Variants in SP140 observed in about 807,000 individuals in gnomAD.
SP140 encodes nuclear body protein SP140.
A neutral mutation model predicts 125.0 loss-of-function variants in SP140; 81 were observed. That is an observed-to-expected ratio of 0.65 (90% CI 0.54 to 0.78). The LOEUF is 0.78. Ranked by LOEUF, SP140 falls within the 30% of genes least tolerant of loss-of-function variation. SP140 has a pLI of 0.00. For missense variants in SP140, 858 were observed against 1,037.0 expected, an observed-to-expected ratio of 0.83 and a Z score of 2.37; for synonymous variants, 312 against 354.0, an observed-to-expected ratio of 0.88 and a Z score of 1.33.
At chr2:230,214,166 C>CTCTGT (rs2044827071) in intron 3 of SP140, 1 of 152,356 alleles carries the variant, frequency 6.6e-6, no homozygotes, top group Admixed American at 6.5e-5. Flanking sequence ...TTCTTCCCAA[C>CTCTGT]TCTGCCACTG....
At chr2:230,301,534 T>G (rs2058282630) in intron 22 of SP140, among the ~76,000 whole-genome samples, 1 of 152,124 alleles carries the variant, frequency 6.6e-6, no homozygotes, top group Non-Finnish European at 1.5e-5. Context: ...TCCAAGAAAC[T>G]AAGCTTCATA....
intron 1 of SP140, among the ~76,000 whole-genome samples, chr2:230,232,092 C>T (rs958709844): frequency 2.6e-5 from 4 of 152,230 alleles, no homozygotes; most frequent in Non-Finnish European, 4.4e-5. Context: ...ATGGTTAAAG[C>T]ATTTTCCCTG....
At chr2:230,311,645 A>G (rs1283345732) in intron 26 of SP140, 50 bp downstream of exon 26, 1 of 1,592,900 alleles carries the variant, frequency 6.3e-7, no homozygotes, top group Non-Finnish European at 8.6e-7. Context: ...CCTTCCCCTC[A>G]TTTTCTGGTG....
intron 11 of SP140, 24 bp downstream of exon 11, chr2:230,253,441 G>A: frequency 6.5e-7 from 1 of 1,528,222 alleles, no homozygotes; most frequent in South Asian, 1.1e-5. Flanking sequence ...ACATTTTTAG[G>A]TATTTGAGTA....
intron 7 of SP140, among the ~76,000 whole-genome samples, chr2:230,246,960 A>T (rs185127217): frequency 2.6e-4 from 40 of 152,264 alleles, no homozygotes; most frequent in Admixed American, 2.2e-3. Context: ...AATATGGGAC[A>T]TTGTAGGGAT....
chr2:230,283,022 A>C (rs998844020), intron 15 of SP140, among the ~76,000 whole-genome samples: 3 of 152,232 alleles, frequency 2.0e-5, no homozygotes, highest in Non-Finnish European at 4.4e-5. Context: ...ACCAGGTGGC[A>C]GTCCCCCCTA....
In SP140 at chr2:230,292,855, T is replaced by C. The variant is rs1257901242; in HGVS notation, c.1968+67T>C. The C allele has an allele frequency of 1.9e-6, 3 of 1,602,976 alleles. No individual in the cohort carries two copies. In the East Asian group the frequency reaches 6.7e-5, roughly 36 times the overall value. On this transcript the variant is annotated intron_variant, in intron 20 of 26. Coordinates refer to ENST00000392045, the MANE Select transcript of SP140 (RefSeq NM_007237.5). ...TCCCTAATAATGAGGAGACTGTTTA[T>C]TCACCAAATATTTGTTAGGTTATAG...
intron 22 of SP140, among the ~76,000 whole-genome samples, chr2:230,302,043 T>G (rs1216786709): frequency 6.6e-6 from 1 of 152,126 alleles, no homozygotes; most frequent in Non-Finnish European, 1.5e-5. Context: ...AAGAGCGACC[T>G]TATATAATGA....
At chr2:230,276,348 G>A (rs535151159) in intron 15 of SP140, among the ~76,000 whole-genome samples, 1 of 152,136 alleles carries the variant, frequency 6.6e-6, no homozygotes, top group South Asian at 2.1e-4. Flanking sequence ...GGGCCCTTAA[G>A]AATTATTCTA....
At chr2:230,241,299 G>A in intron 3 of SP140, 105 bp from the exon 4 acceptor site, 2 of 732,884 alleles carry the variant, frequency 2.7e-6, no homozygotes, top group South Asian at 3.0e-5. Context: ...TGGACCTCGG[G>A]GGTGGGAGAT....
At chr2:230,247,834 A>G (rs761062727) in intron 7 of SP140, 82 bp from the exon 8 acceptor site, 117 of 1,434,432 alleles carry the variant, frequency 8.2e-5, no homozygotes, top group Middle Eastern at 7.3e-4. Context: ...TTGTTTCACT[A>G]CAATCTCCAT....
chr2:230,255,648 T>G lies in SP140; in HGVS notation c.1240+116T>G, dbSNP rs1376757788. ...GCATATACCTCACAGTGAAAGGATCTAATTAATCCTGAGATTTTTCACATT... is the reference window on the plus strand; with the variant it reads ...GCATATACCTCACAGTGAAAGGATCGAATTAATCCTGAGATTTTTCACATT... On this transcript the variant is annotated intron_variant, in intron 12 of 26. Transcript: ENST00000392045. 3 of 856,648 alleles carry G rather than the reference T, an allele frequency of 3.5e-6. No homozygotes were observed. In the East Asian group the frequency reaches 7.5e-5, roughly 21 times the overall value. The allele number at this position is 856,648 out of a possible 1,614,324, so 53.1% of individuals were successfully genotyped here.
the SP140 span, among the ~76,000 whole-genome samples, chr2:230,188,432 G>A: frequency 6.6e-6 from 1 of 151,942 alleles, no homozygotes; most frequent in Non-Finnish European, 1.5e-5. Context: ...ATATAATCAG[G>A]GAACAGTGAT....
chr2:230,244,613 G>A (rs1466605528), intron 5 of SP140, among the ~76,000 whole-genome samples: 1 of 152,162 alleles, frequency 6.6e-6, no homozygotes, highest in Non-Finnish European at 1.5e-5. Flanking sequence ...AATCTGCCAT[G>A]TGGGATGCAA....
At chr2:230,209,642 A>G (rs528584779) in intron 1 of SP140, among the ~76,000 whole-genome samples, 1 of 152,326 alleles carries the variant, frequency 6.6e-6, no homozygotes, top group South Asian at 2.1e-4. Flanking sequence ...TCAGTTAAAG[A>G]GGGAAGTGCA....
intron 3 of SP140, chr2:230,220,194 T>C (rs1174168923): frequency 6.7e-6 from 3 of 445,342 alleles, no homozygotes; most frequent in Non-Finnish European, 8.9e-6. Flanking sequence ...GAGGGAGGTA[T>C]GGGAGGAGGA....
intron 22 of SP140, 75 bp downstream of exon 22, chr2:230,297,537 T>A (rs1016573783): frequency 6.6e-7 from 1 of 1,520,712 alleles, no homozygotes; most frequent in Non-Finnish European, 9.1e-7. Flanking sequence ...GTGTCATGAC[T>A]GCTGTTGCCT....
At chr2:230,276,300 C>A (rs2054701367) in intron 15 of SP140, among the ~76,000 whole-genome samples, 1 of 152,140 alleles carries the variant, frequency 6.6e-6, no homozygotes, top group Non-Finnish European at 1.5e-5. Context: ...GTGACTTTCC[C>A]TTGAAGCCAA....
At chr2:230,300,734 A>G (rs1402458369) in intron 22 of SP140, among the ~76,000 whole-genome samples, 2 of 152,166 alleles carry the variant, frequency 1.3e-5, no homozygotes, top group African/African-American at 2.4e-5. Flanking sequence ...ATAATGACAA[A>G]ACAAAGTTCT....
Sources: allele counts gnomAD v4.1 joint callset (sites outside exome capture counted in the v4.1 genomes callset), GRCh38; gene constraint gnomAD v4.1.1; transcripts MANE v1.5; gene names NCBI Gene and HGNC (gene_info 2026-07-23, HGNC 2026-07-21).